Variants in MGAT5B observed in about 807,000 individuals in gnomAD.
The protein encoded by MGAT5B is alpha-1,6-mannosylglycoprotein 6-beta-N-acetylglucosaminyltransferase B.
A neutral mutation model predicts 95.1 loss-of-function variants in MGAT5B; 54 were observed. The ratio of observed to expected loss-of-function variants is 0.57; its 90% confidence interval spans 0.46 to 0.71. The LOEUF (loss-of-function observed/expected upper bound fraction) is 0.71, where lower values mean the gene tolerates loss of function less well. Among genes scored for constraint, MGAT5B ranks in the 30% least tolerant of loss-of-function variants. The pLI is 0.00. For missense variants in MGAT5B, 935 were observed against 1,088.6 expected (o/e 0.86, Z 1.99); for synonymous variants, 464 against 451.0 (o/e 1.03, Z -0.36).
At chr17:76,897,660 A>T (rs2467104) in intron 3 of MGAT5B, among the ~76,000 whole-genome samples, 2,492 of 69,534 alleles carry the variant, frequency 0.036, 197 homozygotes, top group African/African-American at 0.15. Context: ...AAGTAAGGCC[A>T]CTTTCTTTCT....
At chr17:76,885,337 T>A (rs755911767) in intron 3 of MGAT5B, among the ~76,000 whole-genome samples, 1 of 152,212 alleles carries the variant, frequency 6.6e-6, no homozygotes. Context: ...CCTGTCTGCC[T>A]CCAGCGGTGC....
Position 76,940,237 on chromosome 17 carries a change from C to G in MGAT5B, c.1585-165C>G, listed in dbSNP as rs1267857063. ...CACAAGATGTTCTGGGCTGGCTTTTCCAGCCCTGTTATAGCTCACATAACA... is the reference window on the plus strand; with the variant it reads ...CACAAGATGTTCTGGGCTGGCTTTTGCAGCCCTGTTATAGCTCACATAACA... On this transcript the variant is annotated intron_variant, in intron 13 of 17. Transcript: ENST00000569840. The surrounding 1 kb of genome is among the most constrained non-coding windows in gnomAD (Gnocchi z 4.3). 1.3e-5 allele frequency among the ~76,000 whole-genome samples: 2 copies of G among 152,278 alleles called. No individual in the cohort carries two copies. Among genetic ancestry groups the G allele is most frequent in the East Asian group, 1.9e-4 (1 of 5,180 alleles).
chr17:76,921,434 A>G (rs1020889732), intron 8 of MGAT5B, among the ~76,000 whole-genome samples: 19 of 152,252 alleles, frequency 1.2e-4, no homozygotes, highest in African/African-American at 4.1e-4. Flanking sequence ...GGGGGAAGCG[A>G]TTGCTCAGCA....
intron 10 of MGAT5B, among the ~76,000 whole-genome samples, chr17:76,929,512 A>T (rs1213821997): frequency 3.3e-5 from 5 of 152,200 alleles, no homozygotes; most frequent in Admixed American, 3.3e-4. Flanking sequence ...TATGCTAGTT[A>T]TTTGCTTATA....
At chr17:76,885,714 T>C (rs934057396) in intron 3 of MGAT5B, among the ~76,000 whole-genome samples, 17 of 152,228 alleles carry the variant, frequency 1.1e-4, no homozygotes, top group Non-Finnish European at 2.2e-4. Context: ...TCAGGGACAC[T>C]GTGGTTGCTG....
chr17:76,940,747 C>T lies in MGAT5B; in HGVS notation c.1747C>T (p.Pro583Ser). 1 of 1,614,096 alleles carries T rather than the reference C, an allele frequency of 6.2e-7. No homozygotes were observed. The highest frequency in any genetic ancestry group is 8.5e-7 in the Non-Finnish European group (1 of 1,180,006). ...PTSREVFSQH[P>S]YAENFIGKPH... ...CCCTTGCCAGGTGTTCTCCCAGCAT[C>T]CCTACGCGGAGAACTTCATCGGCAA... The change falls in exon 15 of 18, where the codon CCC becomes TCC. Residue 583 changes from proline to serine, a missense_variant. Coordinates refer to ENST00000569840, the MANE Select transcript of MGAT5B (RefSeq NM_001199172.2). The surrounding 1 kb of genome is among the most constrained non-coding windows in gnomAD (Gnocchi z 4.3).
intron 1 of MGAT5B, among the ~76,000 whole-genome samples, chr17:76,871,480 G>T (rs770808275): frequency 6.6e-6 from 1 of 152,126 alleles, no homozygotes; most frequent in Non-Finnish European, 1.5e-5. Flanking sequence ...CCTCTTCTCT[G>T]CCCAAATCTC....
At position 76,946,381 on chromosome 17, in the gene MGAT5B, C is replaced by A; in HGVS notation, c.1854C>A (p.Asp618Glu). ...TCTGCCCATCCCTCCCACAGGTAGA[C>A]CCCTACCTACCCTACGAGTACACCT... is the stretch of plus-strand genomic sequence containing the variant. Reference protein sequence around the residue: ...AIKAIMRTQVDPYLPYEYTCE... With the variant: ...AIKAIMRTQVEPYLPYEYTCE... The change falls in exon 16 of 18, where the codon GAC becomes GAA. Residue 618 changes from aspartate (D) to glutamate (E), a missense_variant. Asp to Glu is a conservative substitution (Grantham distance 45). Transcript: ENST00000569840. 1 of 1,606,520 alleles carries A rather than the reference C, an allele frequency of 6.2e-7. No homozygotes were observed. Among genetic ancestry groups the A allele is most frequent in the Non-Finnish European group, 8.5e-7 (1 of 1,176,092 alleles).
intron 9 of MGAT5B, 82 bp downstream of exon 9, chr17:76,925,179 C>T: frequency 6.4e-7 from 1 of 1,565,990 alleles, no homozygotes; most frequent in Non-Finnish European, 8.7e-7. Context: ...CCCCACGTCC[C>T]CACTCAGCCA....
chr17:76,882,346 C>T (rs766705522), intron 3 of MGAT5B, 48 bp downstream of exon 3: 174 of 1,547,434 alleles, frequency 1.1e-4, no homozygotes, highest in Non-Finnish European at 1.2e-4. Flanking sequence ...AGCGGTGGCA[C>T]CTGCCACTCC....
In MGAT5B at chr17:76,915,059, C is replaced by T. The variant is rs568419180; in HGVS notation, c.1025+8872C>T. 4.7e-4 allele frequency among the ~76,000 whole-genome samples: 71 copies of T among 152,310 alleles called. No homozygotes were observed. The highest frequency in any genetic ancestry group is 1.3e-3 in the African/African-American group (55 of 41,572). On this transcript the variant is annotated intron_variant, in intron 8 of 17. Coordinates refer to ENST00000569840, the MANE Select transcript of MGAT5B (RefSeq NM_001199172.2). The surrounding 1 kb of genome is among the most constrained non-coding windows in gnomAD (Gnocchi z 8.7). ...CCAAACAAAGTCACATTCACAGGTA[C>T]GGGGATTAGGACTTCACCCTCCTTC...
At chr17:76,923,066 C>T (rs576691581) in intron 8 of MGAT5B, among the ~76,000 whole-genome samples, 8 of 152,174 alleles carry the variant, frequency 5.3e-5, no homozygotes, top group South Asian at 2.1e-4. Context: ...ACAGCGCTGT[C>T]GGCAGGTGAC....
At position 76,906,012 on chromosome 17, in the gene MGAT5B, A is replaced by G. The variant is rs1968513281; in HGVS notation, c.856-6A>G. The G allele has an allele frequency of 6.3e-7, 1 of 1,597,398 alleles. No homozygotes were observed. The highest frequency in any genetic ancestry group is 1.7e-5 in the Admixed American group (1 of 57,448). ...TCTGCTGACCCTCTGTGTTCCGCCC[A>G]CCCAGATCCTGGTCCACATCGGCTT... On this transcript the variant is annotated splice_region_variant and splice_polypyrimidine_tract_variant and intron_variant, in intron 7 of 17. Transcript: ENST00000569840. This position sits in a 1 kb window ranked among gnomAD's most constrained non-coding sequence, Gnocchi z 4.6.
intron 12 of MGAT5B, among the ~76,000 whole-genome samples, chr17:76,935,816 A>T (rs976291844): frequency 1.4e-5 from 2 of 140,700 alleles, no homozygotes; most frequent in African/African-American, 5.2e-5. Flanking sequence ...TATATTATAT[A>T]ATTATATATA....
chr17:76,913,262 C>G (rs1238056378), intron 8 of MGAT5B, among the ~76,000 whole-genome samples: 1 of 152,226 alleles, frequency 6.6e-6, no homozygotes, highest in Admixed American at 6.5e-5. Context: ...GCACAATCCA[C>G]TGTGACCAGC....
chr17:76,903,001 A>G (rs537185680), intron 4 of MGAT5B, among the ~76,000 whole-genome samples: 1 of 146,210 alleles, frequency 6.8e-6, no homozygotes, highest in South Asian at 2.2e-4. Flanking sequence ...GGGGCTGCAA[A>G]CCTCATTTCT....
At chr17:76,926,536 T>C in intron 9 of MGAT5B, 61 bp from the exon 10 acceptor site, 1 of 1,536,850 alleles carries the variant, frequency 6.5e-7, no homozygotes, top group Non-Finnish European at 8.8e-7. Flanking sequence ...CTGGGGCAAC[T>C]TCAGCCCAGG....
rs1968536851 is a variant in MGAT5B at position 76,906,546 on chromosome 17, T to G, written c.1025+359T>G. Among the ~76,000 whole-genome samples the G allele has an allele frequency of 6.6e-6, 1 of 152,222 alleles. No individual in the cohort carries two copies. Among genetic ancestry groups the G allele is most frequent in the Admixed American group, 6.5e-5 (1 of 15,288 alleles). On this transcript the variant is annotated intron_variant, in intron 8 of 17. Coordinates refer to ENST00000569840, the MANE Select transcript of MGAT5B (RefSeq NM_001199172.2). The surrounding 1 kb of genome is among the most constrained non-coding windows in gnomAD (Gnocchi z 4.6). ...GTCCTGGAAGGCTTGGTTTCTCTTC[T>G]GAACCTGGGCTCCTTCTTGGGTCTA...
At chr17:76,946,938 G>C (rs35272294) in intron 16 of MGAT5B, among the ~76,000 whole-genome samples, 31 of 152,222 alleles carry the variant, frequency 2.0e-4, no homozygotes, top group Non-Finnish European at 3.7e-4. Flanking sequence ...GCCTGGGCAG[G>C]CACCTGTCCA....
Sources: gnomAD v4.1 joint callset for allele counts (sites outside exome capture counted in the v4.1 genomes callset) on GRCh38, gnomAD v4.1.1 for gene constraint, Gnocchi (gnomAD v3.1) non-coding constraint, MANE v1.5 for transcripts, NCBI Gene and HGNC (gene_info 2026-07-23, HGNC 2026-07-21) for gene names.